The following ITIH3 variants were observed in gnomAD, a reference collection of about 807,000 sequenced individuals.
ITIH3 encodes the protein inter-alpha-trypsin inhibitor heavy chain 3.
ITIH3 carries 81 observed loss-of-function variants against 96.5 expected under a neutral mutation model. The ratio of observed to expected loss-of-function variants is 0.84; its 90% CI spans 0.70 to 1.01. The LOEUF is 1.01. ITIH3 is among the 50% of genes least tolerant of loss of function. The pLI is 0.00. For missense variants in ITIH3, 1,057 were observed against 1,139.3 expected (o/e 0.93, Z 1.04); for synonymous variants, 422 against 445.2 (o/e 0.95, Z 0.66).
chr3:52,799,684 C>T lies in ITIH3; in HGVS notation c.907-69C>T, dbSNP rs1451328374. Reference sequence around the variant, plus strand: ...CTGGTGCAGATGGCGTGGGCTGCACCGCCTGCTGAGCTGAGAAGGGACCTC... The same window carrying T: ...CTGGTGCAGATGGCGTGGGCTGCACTGCCTGCTGAGCTGAGAAGGGACCTC... On this transcript the variant is annotated intron_variant, in intron 8 of 21. Coordinates refer to ENST00000449956, the MANE Select transcript of ITIH3 (RefSeq NM_002217.4). 1.2e-5 allele frequency: 18 copies of T among 1,483,508 alleles called. No homozygotes were observed. In the South Asian group the frequency reaches 2.0e-4, roughly 17 times the overall value. The allele number at this position is 1,483,508 out of a possible 1,614,324, so 91.9% of individuals were successfully genotyped here.
chr3:52,799,167 C>T, intron 7 of ITIH3, 76 bp downstream of exon 7: 1 of 1,545,022 alleles, frequency 6.5e-7, no homozygotes, highest in Non-Finnish European at 8.8e-7. Context: ...GATCTAGTGC[C>T]ATCACCCTGG....
intron 2 of ITIH3, 163 bp downstream of exon 2, chr3:52,795,786 A>G (rs1699558144): frequency 1.5e-6 from 1 of 651,528 alleles, no homozygotes; most frequent in Non-Finnish European, 2.6e-6. Context: ...ACTCCTGGGA[A>G]AGAGCACCAC....
intron 13 of ITIH3, among the ~76,000 whole-genome samples, chr3:52,803,305 TATTTTATTTTATTATTATTA>T (rs1699909394): frequency 2.1e-5 from 3 of 140,676 alleles, no homozygotes; most frequent in African/African-American, 8.4e-5. Context: ...TTTATTTATT[TATTTTATTTTATTATTATTA>T]TTTTTTTTTT....
At chr3:52,797,337 C>T in intron 5 of ITIH3, 70 bp downstream of exon 5, 5 of 1,481,246 alleles carry the variant, frequency 3.4e-6, no homozygotes, top group Non-Finnish European at 4.6e-6. Context: ...GGGGCAGTCT[C>T]AGACAGGGGT....
chr3:52,806,924 A>C lies in ITIH3; in HGVS notation c.2080A>C (p.Thr694Pro). ...VTGLTVNGQITGDKRGSPDSK... is the reference protein window; with the variant it reads ...VTGLTVNGQIPGDKRGSPDSK... ...AGGCCTCACAGTTAATGGGCAGATC[A>C]CTGGCGACAAGAGAGGCAGCCCTGA... is the stretch of plus-strand genomic sequence containing the variant. Residue 694 changes from threonine (T) to proline (P), a missense_variant, in exon 19 of 22, where the codon ACT becomes CCT. By Grantham distance (38) the Thr-to-Pro change is conservative. Coordinates refer to ENST00000449956, the MANE Select transcript of ITIH3 (RefSeq NM_002217.4). The C allele has an allele frequency of 6.3e-7, 1 of 1,589,336 alleles. No individual in the cohort carries two copies. The highest frequency in any genetic ancestry group is 1.2e-5 in the South Asian group (1 of 86,826).
chr3:52,797,270 A>C lies in ITIH3; in HGVS notation c.549+3A>C. 6.3e-7 allele frequency: 1 copy of C among 1,599,850 alleles called. No homozygotes were observed. Among genetic ancestry groups the C allele is most frequent in the Non-Finnish European group, 8.5e-7 (1 of 1,173,476 alleles). ...AGCAACTGGTCAAACACTTTGAGGT[A>C]ATCAACCGCCCCTGCAGACCTGGGG... On this transcript the variant is annotated splice_donor_region_variant and intron_variant, in intron 5 of 21. Transcript: ENST00000449956.
chr3:52,806,906 A>G lies in ITIH3; in HGVS notation c.2062A>G (p.Thr688Ala), dbSNP rs765192821. 1.7e-5 allele frequency: 27 copies of G among 1,581,722 alleles called. No homozygotes were observed. The East Asian group carries it at 5.8e-4, about 34-fold the overall frequency. ...CTGCCCCATCCCTCTGGCAGGCCTC[A>G]CAGTTAATGGGCAGATCACTGGCGA... ...RLIQDAVTGL[T>A]VNGQITGDKR... Residue 688 changes from threonine (T) to alanine (A), a missense_variant, in exon 19 of 22, where the codon ACA becomes GCA. By Grantham distance (58) the Thr-to-Ala change is moderately conservative. Transcript: ENST00000449956.
At chr3:52,799,577 G>T (rs1294367470) in intron 8 of ITIH3, 89 bp downstream of exon 8, 1 of 1,091,626 alleles carries the variant, frequency 9.2e-7, no homozygotes, top group South Asian at 1.6e-5. Flanking sequence ...TGATCTTTGT[G>T]GTGAATGAGG....
At chr3:52,805,725 C>G in intron 15 of ITIH3, 83 bp from the exon 16 acceptor site, 1 of 1,588,686 alleles carries the variant, frequency 6.3e-7, no homozygotes, top group Non-Finnish European at 8.6e-7. Context: ...TGGGGCCCAG[C>G]AGCGCTAAGA....
chr3:52,796,706 G>C, intron 3 of ITIH3, 33 bp from the exon 4 acceptor site: 1 of 1,605,548 alleles, frequency 6.2e-7, no homozygotes, highest in Non-Finnish European at 8.5e-7. Context: ...GGCCCAGTGT[G>C]ATCTCCCTAC....
rs769047613 is a variant in ITIH3, at chr3:52,806,986, C to T, written c.2142C>T (p.Gly714=). 6.3e-7 allele frequency: 1 copy of T among 1,597,010 alleles called. No homozygotes were observed. The change falls in exon 19 of 22, where the codon GGC becomes GGT. Residue 714 remains glycine, a synonymous_variant. Coordinates refer to ENST00000449956, the MANE Select transcript of ITIH3 (RefSeq NM_002217.4). ...KTRKTYFGKL[G]IANAQMDFQV... The stretch of plus-strand genomic sequence containing the variant: ...GAAAGACTTACTTTGGAAAACTGGG[C>T]ATCGCCAATGCTCAGATGGACTTCC...
Position 52,802,506 on chromosome 3 carries a change from T to G in ITIH3, c.1556T>G (p.Val519Gly), listed in dbSNP as rs774451347. 6.2e-6 allele frequency: 10 copies of G among 1,613,638 alleles called. No homozygotes were observed. The highest frequency in any genetic ancestry group is 7.6e-6 in the Non-Finnish European group (9 of 1,179,860). Reference protein sequence around the residue: ...DEDMNSFKADVKGHGATNDLT... With the variant: ...DEDMNSFKADGKGHGATNDLT... ...GACATGAACAGCTTTAAGGCAGATGTGAAGGGCCATGGGGTGAGTGGGGAC... is the reference window on the plus strand; with the variant it reads ...GACATGAACAGCTTTAAGGCAGATGGGAAGGGCCATGGGGTGAGTGGGGAC... The change falls in exon 12 of 22, where the codon GTG becomes GGG. Residue 519 changes from valine (V) to glycine (G), a missense_variant. Physicochemically the swap from Val to Gly is moderately radical, Grantham distance 109. Transcript: ENST00000449956.
intron 20 of ITIH3, 39 bp downstream of exon 20, chr3:52,807,955 A>C: frequency 6.2e-7 from 1 of 1,602,076 alleles, no homozygotes; most frequent in Non-Finnish European, 8.5e-7. Context: ...CAGGCCTGAG[A>C]GCAGCATGGG....
Position 52,799,374 on chromosome 3 carries a change from A to G in ITIH3, c.792A>G (p.Ile264Met). The change falls in exon 8 of 22, where the codon ATA (isoleucine) becomes ATG (methionine). Residue 264 changes from isoleucine to methionine, a missense_variant and splice_region_variant. Coordinates refer to ENST00000449956, the MANE Select transcript of ITIH3 (RefSeq NM_002217.4). The stretch of plus-strand genomic sequence containing the variant: ...CCGTCCCTCTCCCCACTTTCCAGAT[A>G]GTCAATGGCTACTTCGTGCACTTCT... ...VNRESPGNVQ[I>M]VNGYFVHFFA... The G allele has an allele frequency of 6.3e-7, 1 of 1,587,852 alleles. No homozygotes were observed. The highest frequency in any genetic ancestry group is 8.6e-7 in the Non-Finnish European group (1 of 1,166,974).
chr3:52,796,852 G>A lies in ITIH3; in HGVS notation c.386+9G>A. On this transcript the variant is annotated intron_variant, in intron 4 of 21. Transcript: ENST00000449956. Reference sequence around the variant, plus strand: ...ACGGCCGGCTTGGTCAAGTAAGTATGGACTCCCAGGCCTTGGGGAGAATGT... The same window carrying A: ...ACGGCCGGCTTGGTCAAGTAAGTATAGACTCCCAGGCCTTGGGGAGAATGT... 6.3e-7 allele frequency: 1 copy of A among 1,576,460 alleles called. No individual in the cohort carries two copies. The highest frequency in any genetic ancestry group is 1.2e-5 in the South Asian group (1 of 85,934).
chr3:52,808,090 A>G lies in ITIH3; in HGVS notation c.2432-20A>G, dbSNP rs543525315. ...GTGGCAATGGCCAGGGGCTGACAGC[A>G]TGAATATTTTTCTTCCCAGGGCAAT... On this transcript the variant is annotated intron_variant, in intron 20 of 21. Coordinates refer to ENST00000449956, the MANE Select transcript of ITIH3 (RefSeq NM_002217.4). 2 of 1,611,474 alleles carry G rather than the reference A, an allele frequency of 1.2e-6. No homozygotes were observed. The highest frequency in any genetic ancestry group is 1.7e-6 in the Non-Finnish European group (2 of 1,177,506).
chr3:52,794,859 C>CA lies in ITIH3; in HGVS notation c.56_57insA (p.Ser20LeufsTer61). 6.2e-7 allele frequency: 1 copy of CA among 1,613,998 alleles called. No individual in the cohort carries two copies. The highest frequency in any genetic ancestry group is 8.5e-7 in the Non-Finnish European group (1 of 1,179,888). ...TTGGCTCTGCTCTCCAGCTTGGCAG[C>CA]CTCTGGCTTCCCGAGAAGCCCCTTT... is the stretch of plus-strand genomic sequence containing the variant. On this transcript the variant is annotated frameshift_variant, in exon 1 of 22. Transcript: ENST00000449956. LOFTEE classifies it high-confidence loss of function.
At chr3:52,804,366 G>A (rs1699960938) in intron 14 of ITIH3, 2 of 435,308 alleles carry the variant, frequency 4.6e-6, no homozygotes, top group South Asian at 6.0e-5. Context: ...TCAGGCACCT[G>A]GAGATTGTTA....
intron 6 of ITIH3, chr3:52,798,704 C>T (rs1699690504): frequency 2.0e-6 from 1 of 508,188 alleles, no homozygotes; most frequent in Non-Finnish European, 3.5e-6. Context: ...TGTGCCCAGC[C>T]AGGAGCCCTG....
Sources: gnomAD v4.1 joint callset for allele counts (sites outside exome capture counted in the v4.1 genomes callset) on GRCh38, gnomAD v4.1.1 for gene constraint, MANE v1.5 for transcripts, NCBI Gene and HGNC (gene_info 2026-07-23, HGNC 2026-07-21) for gene names.